Variants in LARP4B observed in about 807,000 individuals in gnomAD.
LARP4B encodes the protein la-related protein 4B.
A neutral mutation model predicts 89.8 loss-of-function variants in LARP4B; 12 were observed. That is an observed-to-expected ratio of 0.13 (90% CI 0.09 to 0.22). The LOEUF is 0.22. Ranked by LOEUF, LARP4B falls within the 10% of genes least tolerant of loss-of-function variation. The probability of loss-of-function intolerance (pLI) is 1.00; values close to 1 mark genes in which losing one functional copy is unlikely to be tolerated. For synonymous variants in LARP4B, 367 were observed against 363.3 expected (o/e 1.01, Z -0.12); for missense variants, 757 against 947.7 (o/e 0.80, Z 2.64).
chr10:848,427 C>T (rs1483043988), intron 5 of LARP4B, among the ~76,000 whole-genome samples: 3 of 151,806 alleles, frequency 2.0e-5, no homozygotes, highest in African/African-American at 7.3e-5. Context: ...AAGATATGAC[C>T]CATGACAATG....
chr10:907,996 A>G (rs1836540821), intron 1 of LARP4B, among the ~76,000 whole-genome samples: 1 of 152,196 alleles, frequency 6.6e-6, no homozygotes, highest in Admixed American at 6.5e-5. Flanking sequence ...ACCTGAGGTT[A>G]GGAGTTCAAG....
chr10:900,420 CTTTTTTTTTTTTTTTTTTTTT>C (rs529963345), intron 1 of LARP4B, among the ~76,000 whole-genome samples: 1 of 45,244 alleles, frequency 2.2e-5, no homozygotes, highest in African/African-American at 8.6e-5. Flanking sequence ...AGAAGGATGT[CTTTTTTTTTTTTTTTTTTTTT>C]TTTTTTTTTT....
the LARP4B span, among the ~76,000 whole-genome samples, chr10:964,485 A>G: frequency 6.6e-6 from 1 of 152,098 alleles, no homozygotes; most frequent in East Asian, 1.9e-4. Context: ...GGCCAAGGAT[A>G]GACGAAGGAA....
chr10:877,372 C>A (rs1835499562), intron 3 of LARP4B, among the ~76,000 whole-genome samples: 1 of 39,048 alleles, frequency 2.6e-5, no homozygotes, highest in African/African-American at 9.3e-5. Flanking sequence ...CAGAGCAAGA[C>A]CCTGTCTCTA....
intron 5 of LARP4B, among the ~76,000 whole-genome samples, chr10:850,977 G>T (rs1834016003): frequency 6.6e-6 from 1 of 152,000 alleles, no homozygotes; most frequent in African/African-American, 2.4e-5. Context: ...ACTACTTATG[G>T]GGAAAATAGT....
At chr10:854,506 T>C (rs918098946) in intron 5 of LARP4B, among the ~76,000 whole-genome samples, 8 of 152,232 alleles carry the variant, frequency 5.3e-5, no homozygotes, top group Admixed American at 2.6e-4. Context: ...CATCTCCTTG[T>C]ACACCTGTCA....
At chr10:868,378 TA>T (rs35215345) in intron 3 of LARP4B, among the ~76,000 whole-genome samples, 1,317 of 123,424 alleles carry the variant, frequency 0.011, 11 homozygotes, top group African/African-American at 0.023. Context: ...AAGATTTGCT[TA>T]AAAAAAAAAA....
rs1831915615 is a variant in LARP4B at position 814,488 on chromosome 10, T to G, written c.1929+254A>C. On this transcript the variant is annotated intron_variant, in intron 17 of 17. Coordinates refer to ENST00000316157, the MANE Select transcript of LARP4B (RefSeq NM_015155.3). This position sits in a 1 kb window ranked among gnomAD's most constrained non-coding sequence, Gnocchi z 4.4. ...ACAGGAGCTGGGGTCTTGTTACTAC[T>G]CAAGAAACCTCTATTGACCAACACT... is the stretch of plus-strand genomic sequence containing the variant. The G allele has an allele frequency of 1.1e-5, 7 of 639,006 alleles. No individual in the cohort carries two copies. The highest frequency in any genetic ancestry group is 1.8e-5 in the Non-Finnish European group (7 of 381,190). The allele number at this position is 639,006 out of a possible 1,614,324, so 39.6% of individuals were successfully genotyped here. A position where few individuals can be genotyped will look rare whatever the true frequency, so the allele number is the denominator to read the frequency against.
chr10:958,037 T>C, the LARP4B span, among the ~76,000 whole-genome samples: 1 of 152,166 alleles, frequency 6.6e-6, no homozygotes, highest in Non-Finnish European at 1.5e-5. Context: ...GCTCAAACAG[T>C]CCATCTGCCT....
At chr10:831,297 TA>T (rs1554791094) in intron 8 of LARP4B, among the ~76,000 whole-genome samples, 2 of 147,200 alleles carry the variant, frequency 1.4e-5, no homozygotes, top group Non-Finnish European at 1.5e-5. Context: ...TTTTTTTTTT[TA>T]AAGGCAATTT....
chr10:856,432 CA>C (rs1268626067), intron 5 of LARP4B, among the ~76,000 whole-genome samples: 4 of 152,316 alleles, frequency 2.6e-5, no homozygotes, highest in African/African-American at 9.6e-5. Flanking sequence ...GAACAATTAA[CA>C]ACTCTTCTTA....
chr10:946,617 C>CCT, the LARP4B span, among the ~76,000 whole-genome samples: 1 of 151,778 alleles, frequency 6.6e-6, no homozygotes, highest in Non-Finnish European at 1.5e-5. Context: ...TTGGGGGACC[C>CCT]CTCTCTCTCT....
chr10:814,985 G>A lies in LARP4B; in HGVS notation c.1781C>T (p.Ala594Val). ...TGGGGAGGGGGATCGCTCGTACGTT[G>A]CTGATACAGCACAAGAAGCCGGCAC... Reference protein sequence around the residue: ...PSVPASCAVSATYERSPSPAH... With the variant: ...PSVPASCAVSVTYERSPSPAH... Residue 594 changes from alanine to valine, a missense_variant, in exon 16 of 18, where the codon GCA (alanine) becomes GTA (valine). Ala to Val is a moderately conservative substitution (Grantham distance 64). Transcript: ENST00000316157. The surrounding 1 kb of genome is among the most constrained non-coding windows in gnomAD (Gnocchi z 4.4). 1 of 1,607,988 alleles carries A rather than the reference G, an allele frequency of 6.2e-7. No individual in the cohort carries two copies. The highest frequency in any genetic ancestry group is 8.5e-7 in the Non-Finnish European group (1 of 1,176,178).
At chr10:956,252 C>T in the LARP4B span, among the ~76,000 whole-genome samples, 1 of 152,124 alleles carries the variant, frequency 6.6e-6, no homozygotes, top group Admixed American at 6.5e-5. This position sits in a 1 kb window ranked among gnomAD's most constrained non-coding sequence, Gnocchi z 4.3. Context: ...TACACAGTTA[C>T]GTTATGGGAG....
chr10:926,956 C>G (rs1231980645), intron 1 of LARP4B, among the ~76,000 whole-genome samples: 1 of 151,626 alleles, frequency 6.6e-6, no homozygotes, highest in Non-Finnish European at 1.5e-5. Flanking sequence ...AGGGGAATCG[C>G]TTAAACCCTG....
At position 813,075 on chromosome 10, in the gene LARP4B, C is replaced by A. The variant is rs764549823; in HGVS notation, c.2068G>T (p.Ala690Ser). Reference protein sequence around the residue: ...GKEEKKLAEPAERYREPPALK... With the variant: ...GKEEKKLAEPSERYREPPALK... ...GCTGGGGGCTCCCGGTATCTCTCTG[C>A]GGGCTCTGCCAGCTTCTTTTCCTCC... Residue 690 changes from alanine (A) to serine (S), a missense_variant, in exon 18 of 18, where the codon GCA becomes TCA. Coordinates refer to ENST00000316157, the MANE Select transcript of LARP4B (RefSeq NM_015155.3). 3.1e-6 allele frequency: 5 copies of A among 1,614,142 alleles called. No homozygotes were observed. The highest frequency in any genetic ancestry group is 1.7e-6 in the Non-Finnish European group (2 of 1,180,012).
intron 13 of LARP4B, among the ~76,000 whole-genome samples, chr10:821,595 C>G (rs56222464): frequency 0.11 from 16,844 of 152,270 alleles, 1,182 homozygotes; most frequent in Non-Finnish European, 0.16. Context: ...ACATTCATCT[C>G]AATGGATAAT....
chr10:918,323 A>C (rs992559974), intron 1 of LARP4B, among the ~76,000 whole-genome samples: 1 of 152,130 alleles, frequency 6.6e-6, no homozygotes, highest in African/African-American at 2.4e-5. Flanking sequence ...TTAGGTCAAC[A>C]CTAACATCAC....
chr10:873,497 A>T, intron 3 of LARP4B: 1 of 789,306 alleles, frequency 1.3e-6, no homozygotes, highest in Non-Finnish European at 1.5e-6. Context: ...GTTTTTCTAC[A>T]GTGTTCCAGT....
Sources: gnomAD v4.1 joint callset for allele counts (sites outside exome capture counted in the v4.1 genomes callset) on GRCh38, gnomAD v4.1.1 for gene constraint, Gnocchi (gnomAD v3.1) non-coding constraint, MANE v1.5 for transcripts, NCBI Gene and HGNC (gene_info 2026-07-23, HGNC 2026-07-21) for gene names.